Variants in MKLN1 observed in about 807,000 individuals in gnomAD.
MKLN1 encodes muskelin.
A neutral mutation model predicts 99.0 loss-of-function variants in MKLN1; 18 were observed. That is an observed-to-expected ratio of 0.18 (90% CI 0.13 to 0.27). The LOEUF (loss-of-function observed/expected upper bound fraction) is 0.27. Ranked by LOEUF, MKLN1 falls within the 10% of genes least tolerant of loss-of-function variation. The pLI is 1.00. For missense variants in MKLN1, 621 were observed against 875.9 expected, an observed-to-expected ratio of 0.71 and a Z score of 3.67; for synonymous variants, 288 against 293.2, an observed-to-expected ratio of 0.98 and a Z score of 0.18.
chr7:131,321,324 G>A (rs531770848), intron 3 of MKLN1, among the ~76,000 whole-genome samples: 144 of 152,236 alleles, frequency 9.5e-4, no homozygotes, highest in Admixed American at 2.7e-3. Context: ...ATTAACACAG[G>A]AACAGAAAAC....
chr7:131,189,924 G>A (rs1796509843), intron 2 of MKLN1, among the ~76,000 whole-genome samples: 2 of 152,238 alleles, frequency 1.3e-5, no homozygotes, highest in South Asian at 4.1e-4. Flanking sequence ...GCTGTCTTAG[G>A]AAGAACAAAT....
chr7:131,472,887 G>T (rs750484036), intron 16 of MKLN1, among the ~76,000 whole-genome samples: 7 of 147,088 alleles, frequency 4.8e-5, no homozygotes, highest in Non-Finnish European at 8.9e-5. Flanking sequence ...TGCGGAGCTT[G>T]CAGTGAGCTG....
In MKLN1 at chr7:131,395,915, G is replaced by A. The variant is rs927824364; in HGVS notation, c.401-1352G>A. The stretch of plus-strand genomic sequence containing the variant: ...TTTTATATTTTCTTATAAATATTGC[G>A]TATTTTAAGTTTATTCTGAAGTATT... On this transcript the variant is annotated intron_variant, in intron 4 of 17. Coordinates refer to ENST00000352689, the MANE Select transcript of MKLN1 (RefSeq NM_013255.5). 1.3e-4 allele frequency among the ~76,000 whole-genome samples: 20 copies of A among 151,350 alleles called. No individual in the cohort carries two copies. In the South Asian group the frequency reaches 1.9e-3, roughly 14 times the overall value.
chr7:131,364,112 T>C (rs1266977089), intron 1 of MKLN1, among the ~76,000 whole-genome samples: 1 of 152,162 alleles, frequency 6.6e-6, no homozygotes, highest in East Asian at 1.9e-4. Flanking sequence ...GCTATCATTT[T>C]TATAGTATAC....
At chr7:131,144,159 A>G (rs1450021526) in intron 2 of MKLN1, among the ~76,000 whole-genome samples, 2 of 152,214 alleles carry the variant, frequency 1.3e-5, no homozygotes, top group Non-Finnish European at 2.9e-5. Context: ...GGCACTCAGT[A>G]AATATTTTTT....
rs1374975214 is a variant in MKLN1, at chr7:131,478,739, G to C, written c.2086+62G>C. 3.2e-6 allele frequency: 5 copies of C among 1,584,268 alleles called. 1 individual carries two copies. In the Admixed American group the frequency reaches 8.4e-5, roughly 27 times the overall value. On this transcript the variant is annotated intron_variant, in intron 17 of 17. Coordinates refer to ENST00000352689, the MANE Select transcript of MKLN1 (RefSeq NM_013255.5). Reference sequence around the variant, plus strand: ...CTAGCATTTGGAAGGTTGGATTTTGGTTTCTTTTACGTGAAACATCAGGTG... The same window carrying C: ...CTAGCATTTGGAAGGTTGGATTTTGCTTTCTTTTACGTGAAACATCAGGTG...
At chr7:131,317,977 A>G (rs909561481) in intron 3 of MKLN1, among the ~76,000 whole-genome samples, 1 of 152,208 alleles carries the variant, frequency 6.6e-6, no homozygotes, top group Non-Finnish European at 1.5e-5. Flanking sequence ...TTAGAGACCT[A>G]TAAAGAGACT....
chr7:131,222,066 C>T (rs556399763), intron 3 of MKLN1, among the ~76,000 whole-genome samples: 193 of 151,802 alleles, frequency 1.3e-3, no homozygotes, highest in Admixed American at 2.8e-3. Flanking sequence ...CCACCATGCC[C>T]GGCTAATTTT....
At chr7:131,146,398 C>T (rs1795815573) in intron 2 of MKLN1, among the ~76,000 whole-genome samples, 1 of 152,066 alleles carries the variant, frequency 6.6e-6, no homozygotes, top group Non-Finnish European at 1.5e-5. Context: ...TCTAGAAAGC[C>T]GTTCTTTCCC....
intron 3 of MKLN1, among the ~76,000 whole-genome samples, chr7:131,302,356 C>T (rs920747687): frequency 6.6e-6 from 1 of 152,228 alleles, no homozygotes; most frequent in East Asian, 1.9e-4. Context: ...GAACTACTTC[C>T]GTCTCCTTCA....
chr7:131,438,309 C>A (rs920392092), intron 10 of MKLN1, among the ~76,000 whole-genome samples: 1 of 151,712 alleles, frequency 6.6e-6, no homozygotes, highest in African/African-American at 2.4e-5. Context: ...TCAACAATAA[C>A]AACTTACCCT....
At chr7:131,315,416 G>C (rs1392877682) in intron 3 of MKLN1, among the ~76,000 whole-genome samples, 1 of 152,168 alleles carries the variant, frequency 6.6e-6, no homozygotes, top group African/African-American at 2.4e-5. Context: ...CGGAGATCAG[G>C]AGAGTCCTTC....
At chr7:131,246,959 T>C (rs1414417947) in intron 3 of MKLN1, among the ~76,000 whole-genome samples, 3 of 152,160 alleles carry the variant, frequency 2.0e-5, no homozygotes, top group Non-Finnish European at 4.4e-5. Flanking sequence ...GGAATGTGTG[T>C]GTGTGGTAGT....
At chr7:131,408,127 G>A (rs947334692) in intron 6 of MKLN1, among the ~76,000 whole-genome samples, 4 of 152,030 alleles carry the variant, frequency 2.6e-5, no homozygotes, top group East Asian at 1.9e-4. Flanking sequence ...GCTTAAGATG[G>A]TGTATCTAGT....
intron 14 of MKLN1, among the ~76,000 whole-genome samples, chr7:131,464,910 T>C (rs1171839576): frequency 6.6e-6 from 1 of 151,278 alleles, no homozygotes. Flanking sequence ...GAGTTCTTTC[T>C]TTATTTCTGT....
chr7:131,141,220 G>C (rs1795727902), intron 1 of MKLN1, among the ~76,000 whole-genome samples: 1 of 152,058 alleles, frequency 6.6e-6, no homozygotes, highest in Non-Finnish European at 1.5e-5. Flanking sequence ...CTCCTAAATG[G>C]ATATCCTCCG....
intron 1 of MKLN1, among the ~76,000 whole-genome samples, chr7:131,134,443 C>T (rs765383217): frequency 6.6e-6 from 1 of 152,096 alleles, no homozygotes; most frequent in Non-Finnish European, 1.5e-5. Flanking sequence ...CTGATGGGCC[C>T]GGACTCCTGA....
chr7:131,385,641 G>A (rs1232888107), intron 2 of MKLN1, among the ~76,000 whole-genome samples: 1 of 151,962 alleles, frequency 6.6e-6, no homozygotes, highest in Non-Finnish European at 1.5e-5. Flanking sequence ...ATCTTTTCAT[G>A]TGCCTGTTGG....
chr7:131,355,107 C>G (rs891727288), intron 1 of MKLN1, among the ~76,000 whole-genome samples: 1 of 152,004 alleles, frequency 6.6e-6, no homozygotes, highest in Non-Finnish European at 1.5e-5. Flanking sequence ...GTTTTGTATT[C>G]TGTTCCTGAT....
Sources: allele counts gnomAD v4.1 joint callset (sites outside exome capture counted in the v4.1 genomes callset), GRCh38; gene constraint gnomAD v4.1.1; transcripts MANE v1.5; gene names NCBI Gene and HGNC (gene_info 2026-07-23, HGNC 2026-07-21).